DPP10: variants seen among roughly 807,000 people sequenced by gnomAD.
DPP10 encodes inactive dipeptidyl peptidase 10.
A neutral mutation model predicts 120.9 loss-of-function variants in DPP10; 33 were observed. The observed-to-expected ratio is 0.27, with a 90% CI of 0.21 to 0.37. The LOEUF (loss-of-function observed/expected upper bound fraction) is 0.37, where lower values mean the gene tolerates loss of function less well. Among genes scored for constraint, DPP10 ranks in the 10% least tolerant of loss-of-function variants. DPP10 has a pLI of 1.00. For synonymous variants in DPP10, 337 were observed against 326.1 expected (o/e 1.03, Z -0.36); for missense variants, 816 against 942.8 (o/e 0.87, Z 1.76).
At chr2:115,371,316 A>G (rs2065394153) in intron 3 of DPP10, among the ~76,000 whole-genome samples, 1 of 152,142 alleles carries the variant, frequency 6.6e-6, no homozygotes, top group Admixed American at 6.6e-5. Context: ...ATACAACTGG[A>G]TGAAAGAAGG....
chr2:115,612,944 C>T (rs1328051288), intron 5 of DPP10, among the ~76,000 whole-genome samples: 1 of 151,738 alleles, frequency 6.6e-6, no homozygotes, highest in East Asian at 1.9e-4. Context: ...TACCACTAGG[C>T]AGGGTTGATA....
intron 16 of DPP10, 83 bp downstream of exon 16, chr2:115,781,078 C>A: frequency 8.8e-7 from 1 of 1,134,974 alleles, no homozygotes; most frequent in Non-Finnish European, 1.2e-6. Flanking sequence ...AACTATTACT[C>A]TAGATGATTT....
chr2:114,782,332 T>G (rs1241900956), intron 1 of DPP10, among the ~76,000 whole-genome samples: 3 of 150,344 alleles, frequency 2.0e-5, no homozygotes, highest in East Asian at 2.0e-4. Flanking sequence ...CTGTGGAATA[T>G]ATATATATAT....
chr2:115,119,107 C>T (rs551648228), intron 1 of DPP10, among the ~76,000 whole-genome samples: 3 of 152,172 alleles, frequency 2.0e-5, no homozygotes, highest in African/African-American at 2.4e-5. Context: ...TTGATTCTTC[C>T]CTTGGAGCAG....
intron 3 of DPP10, among the ~76,000 whole-genome samples, chr2:115,490,661 C>T (rs1247990683): frequency 6.6e-6 from 1 of 152,060 alleles, no homozygotes; most frequent in Non-Finnish European, 1.5e-5. Context: ...TTTATTTCTT[C>T]CATTAACAAT....
rs558764060 is a variant in DPP10, at chr2:114,840,935, A to G, written c.60+398097A>G. 4.6e-5 allele frequency among the ~76,000 whole-genome samples: 7 copies of G among 152,172 alleles called. 1 individual carries two copies. The South Asian group carries it at 1.5e-3, about 32-fold the overall frequency. ...CACAGGCACACAATATCATCCTTAC[A>G]TATGTAAATCACATTAAACTGGCAA... On this transcript the variant is annotated intron_variant, in intron 1 of 25. Coordinates refer to ENST00000410059, the MANE Select transcript of DPP10 (RefSeq NM_020868.6).
chr2:115,756,535 A>C (rs1204245910), intron 11 of DPP10, among the ~76,000 whole-genome samples: 1 of 152,132 alleles, frequency 6.6e-6, no homozygotes, highest in African/African-American at 2.4e-5. Flanking sequence ...TATTTGAATA[A>C]TTTTACATCA....
At chr2:114,742,692 C>T (rs1173307529) in intron 1 of DPP10, among the ~76,000 whole-genome samples, 1 of 152,188 alleles carries the variant, frequency 6.6e-6, no homozygotes, top group Non-Finnish European at 1.5e-5. Context: ...ACAGACCACA[C>T]ATTTGAAAGA....
chr2:115,464,237 A>G (rs898042415), intron 3 of DPP10, among the ~76,000 whole-genome samples: 1 of 152,190 alleles, frequency 6.6e-6, no homozygotes, highest in African/African-American at 2.4e-5. Context: ...CTAGAACAAG[A>G]ATATAAATGG....
At chr2:115,040,133 A>G (rs913569832) in intron 1 of DPP10, among the ~76,000 whole-genome samples, 4 of 152,140 alleles carry the variant, frequency 2.6e-5, no homozygotes, top group African/African-American at 9.6e-5. Flanking sequence ...AAGCCATCCA[A>G]TTAGCCGTTC....
At chr2:114,706,637 C>T (rs781067316) in intron 1 of DPP10, among the ~76,000 whole-genome samples, 1 of 152,172 alleles carries the variant, frequency 6.6e-6, no homozygotes, top group Non-Finnish European at 1.5e-5. Flanking sequence ...ACCACATCAC[C>T]TTGTGATCGT....
chr2:114,955,150 TG>T (rs1311937080), intron 1 of DPP10, among the ~76,000 whole-genome samples: 3 of 152,354 alleles, frequency 2.0e-5, no homozygotes, highest in East Asian at 3.9e-4. Context: ...CCCATTTTTA[TG>T]GTTATTTCTT....
intron 1 of DPP10, among the ~76,000 whole-genome samples, chr2:114,450,099 T>G (rs1678174742): frequency 6.6e-6 from 1 of 152,148 alleles, no homozygotes; most frequent in African/African-American, 2.4e-5. Context: ...ATGGTTGCAT[T>G]GAGGAGGAAT....
rs933235494 is a variant in DPP10 at position 115,048,835 on chromosome 2, C to A, written c.61-260404C>A. Among the ~76,000 whole-genome samples the A allele has an allele frequency of 6.6e-5, 10 of 152,008 alleles. 1 individual carries two copies. The highest frequency in any genetic ancestry group is 6.6e-4 in the Admixed American group (10 of 15,238). On this transcript the variant is annotated intron_variant, in intron 1 of 25. Coordinates refer to ENST00000410059, the MANE Select transcript of DPP10 (RefSeq NM_020868.6). ...ACTCTTGAAAGAAATATTTTATGTT[C>A]TCCAAATTTGCTTGCATAATTTCTT...
intron 1 of DPP10, among the ~76,000 whole-genome samples, chr2:115,094,861 A>G (rs1161103921): frequency 1.3e-5 from 2 of 152,214 alleles, no homozygotes; most frequent in Non-Finnish European, 2.9e-5. Flanking sequence ...AATTAAGGAT[A>G]TTATGTAGGT....
chr2:114,705,090 T>C (rs1227883734), intron 1 of DPP10, among the ~76,000 whole-genome samples: 1 of 152,144 alleles, frequency 6.6e-6, no homozygotes, highest in Non-Finnish European at 1.5e-5. Context: ...TATATGGTAT[T>C]ATGTTATGGT....
At chr2:114,832,975 G>A (rs1257554173) in intron 1 of DPP10, among the ~76,000 whole-genome samples, 1 of 152,112 alleles carries the variant, frequency 6.6e-6, no homozygotes, top group African/African-American at 2.4e-5. Flanking sequence ...GAGACAAGCA[G>A]TGATTTATAA....
At chr2:114,811,036 A>C (rs1039488559) in intron 1 of DPP10, among the ~76,000 whole-genome samples, 2 of 152,116 alleles carry the variant, frequency 1.3e-5, no homozygotes, top group Admixed American at 1.3e-4. Flanking sequence ...CTTTAGATGC[A>C]TTTTTTCCCA....
intron 5 of DPP10, among the ~76,000 whole-genome samples, chr2:115,559,325 T>A (rs2080419737): frequency 6.6e-6 from 1 of 152,196 alleles, no homozygotes; most frequent in Non-Finnish European, 1.5e-5. Flanking sequence ...CAAAAGGTAC[T>A]AATTTAAAGT....
Sources: allele counts gnomAD v4.1 joint callset (sites outside exome capture counted in the v4.1 genomes callset), GRCh38; gene constraint gnomAD v4.1.1; transcripts MANE v1.5; gene names NCBI Gene and HGNC (gene_info 2026-07-23, HGNC 2026-07-21).